The following GALNT1 variants were observed in gnomAD, a reference collection of about 807,000 sequenced individuals.
GALNT1 encodes the protein GalNAc transferase 1.
A neutral mutation model predicts 65.7 loss-of-function variants in GALNT1; 17 were observed. The observed-to-expected ratio is 0.26, with a 90% CI of 0.18 to 0.39. GALNT1 has a LOEUF of 0.39. GALNT1 is among the 10% of genes least tolerant of loss of function. GALNT1 has a pLI of 1.00. For synonymous variants in GALNT1, 210 were observed against 219.7 expected (o/e 0.96, Z 0.39); for missense variants, 460 against 672.8 (o/e 0.68, Z 3.50).
Position 35,690,413 on chromosome 18 carries a change from ATGAGC to A in GALNT1, c.979-598_979-594del, listed in dbSNP as rs1399886200. Among the ~76,000 whole-genome samples, 3 of 152,312 alleles carry A rather than the reference ATGAGC, an allele frequency of 2.0e-5. No homozygotes were observed. The East Asian group carries it at 5.8e-4, about 29-fold the overall frequency. Reference sequence around the variant, plus strand: ...TTTTGTTTGGTGGTTGTTTTTAACCATGAGCCACATTAATAAATACATTATACATT... The same window carrying A: ...TTTTGTTTGGTGGTTGTTTTTAACCACACATTAATAAATACATTATACATT... On this transcript the variant is annotated intron_variant, in intron 7 of 11. Transcript: ENST00000269195.
intron 1 of GALNT1, among the ~76,000 whole-genome samples, chr18:35,607,412 A>G (rs2046664250): frequency 6.6e-6 from 1 of 151,936 alleles, no homozygotes; most frequent in African/African-American, 2.4e-5. Flanking sequence ...GCCTTACTCT[A>G]TGGTTGTTTC....
At chr18:35,627,193 A>C (rs1480915569) in intron 1 of GALNT1, among the ~76,000 whole-genome samples, 1 of 152,224 alleles carries the variant, frequency 6.6e-6, no homozygotes, top group Non-Finnish European at 1.5e-5. Flanking sequence ...ATTTCCACTG[A>C]GCTTGGCATT....
At chr18:35,671,546 G>A (rs1430676562) in intron 3 of GALNT1, among the ~76,000 whole-genome samples, 1 of 152,146 alleles carries the variant, frequency 6.6e-6, no homozygotes, top group Admixed American at 6.6e-5. Context: ...CTTTTAGGTT[G>A]AACCATATGA....
Position 35,650,410 on chromosome 18 carries a change from G to GTTTT in GALNT1, c.-103-4149_-103-4146dup, listed in dbSNP as rs1348251236. ...TGGCGAAATTAAAATTGCTAATGAA[G>GTTTT]TTTTGGGCACACATTGTCATTGATA... On this transcript the variant is annotated intron_variant, in intron 1 of 11. Coordinates refer to ENST00000269195, the MANE Select transcript of GALNT1 (RefSeq NM_020474.4). Among the ~76,000 whole-genome samples the GTTTT allele has an allele frequency of 5.3e-5, 8 of 152,162 alleles. No homozygotes were observed. In the East Asian group the frequency reaches 1.5e-3, roughly 29 times the overall value.
intron 4 of GALNT1, among the ~76,000 whole-genome samples, chr18:35,678,018 A>G (rs1328584381): frequency 6.6e-6 from 1 of 152,114 alleles, no homozygotes; most frequent in African/African-American, 2.4e-5. Flanking sequence ...AACATAAACT[A>G]TTATGCAGGA....
chr18:35,592,200 C>T (rs1248989166), intron 1 of GALNT1, among the ~76,000 whole-genome samples: 1 of 152,152 alleles, frequency 6.6e-6, no homozygotes, highest in African/African-American at 2.4e-5. Context: ...TACATCCTCA[C>T]TGGGCACATA....
intron 1 of GALNT1, among the ~76,000 whole-genome samples, chr18:35,609,970 A>G (rs563525305): frequency 6.6e-6 from 1 of 152,348 alleles, no homozygotes; most frequent in South Asian, 2.1e-4. Context: ...AGATGAATGG[A>G]ACACAGATCA....
chr18:35,633,494 T>C (rs544079446), intron 1 of GALNT1, among the ~76,000 whole-genome samples: 1 of 127,928 alleles, frequency 7.8e-6, no homozygotes, highest in Non-Finnish European at 1.6e-5. Context: ...AACTGAACAA[T>C]GAGAACACTT....
Position 35,689,182 on chromosome 18 carries a change from C to A in GALNT1, c.870C>A (p.Thr290=). ...GDRTLPVRTP[T]MAGGLFSIDR... is the part of the protein sequence containing the mutation. Reference sequence around the variant, plus strand: ...CATTATTGAATTTCAGGACACCTACCATGGCAGGAGGCCTTTTTTCAATAG... The same window carrying A: ...CATTATTGAATTTCAGGACACCTACAATGGCAGGAGGCCTTTTTTCAATAG... The change falls in exon 7 of 12, where the codon ACC becomes ACA. Residue 290 remains threonine (T), a synonymous_variant. Coordinates refer to ENST00000269195, the MANE Select transcript of GALNT1 (RefSeq NM_020474.4). 1 of 1,602,496 alleles carries A rather than the reference C, an allele frequency of 6.2e-7. No homozygotes were observed.
intron 9 of GALNT1, among the ~76,000 whole-genome samples, chr18:35,694,833 G>A (rs768955830): frequency 3.3e-5 from 5 of 152,188 alleles, no homozygotes; most frequent in Admixed American, 1.3e-4. Context: ...ATATTTTTCA[G>A]TCTTAAAAAG....
intron 1 of GALNT1, among the ~76,000 whole-genome samples, chr18:35,600,726 T>G (rs768978689): frequency 2.4e-4 from 36 of 152,166 alleles, no homozygotes; most frequent in Non-Finnish European, 5.0e-4. Context: ...TCTATTAATG[T>G]GATGTGTCAA....
At position 35,654,619 on chromosome 18, in the gene GALNT1, TTATATATATA is replaced by T; in HGVS notation, c.-40_-31del. ...AATAATTTTCATGATCTTTGTATATTTATATATATATATTTTTAAATTTTGCATTTGACTT... is the reference window on the plus strand; with the variant it reads ...AATAATTTTCATGATCTTTGTATATTTATTTTTAAATTTTGCATTTGACTT... On this transcript the variant is annotated 5_prime_UTR_variant, in exon 2 of 12. It removes the in-frame stop codon of an upstream open reading frame in the 5' UTR. Transcript: ENST00000269195. The T allele has an allele frequency of 9.3e-7, 1 of 1,075,408 alleles. No individual in the cohort carries two copies. The highest frequency in any genetic ancestry group is 1.2e-6 in the Non-Finnish European group (1 of 825,178). The allele number at this position is 1,075,408 out of a possible 1,614,324, so 66.6% of individuals were successfully genotyped here.
intron 1 of GALNT1, among the ~76,000 whole-genome samples, chr18:35,628,547 C>G (rs2046953727): frequency 6.6e-6 from 1 of 152,152 alleles, no homozygotes; most frequent in Non-Finnish European, 1.5e-5. Flanking sequence ...AAAGGACAAC[C>G]ACACCAGAAC....
chr18:35,650,152 G>T (rs1319873366), intron 1 of GALNT1, among the ~76,000 whole-genome samples: 1 of 152,132 alleles, frequency 6.6e-6, no homozygotes, highest in African/African-American at 2.4e-5. Flanking sequence ...TCCGGTCTGA[G>T]AAATAAACGG....
intron 9 of GALNT1, among the ~76,000 whole-genome samples, chr18:35,694,227 C>G (rs1358687271): frequency 2.0e-5 from 3 of 152,070 alleles, no homozygotes; most frequent in African/African-American, 7.2e-5. Context: ...ACAAGTCTTG[C>G]AAGGAATTTT....
intron 1 of GALNT1, among the ~76,000 whole-genome samples, chr18:35,644,547 G>A (rs564931442): frequency 2.0e-5 from 3 of 152,244 alleles, no homozygotes; most frequent in South Asian, 2.1e-4. Flanking sequence ...CTTTTATATT[G>A]CTATAAGGTA....
chr18:35,674,982 CAAAAAAAAAAAAAAAAAA>C (rs150477892), intron 3 of GALNT1, among the ~76,000 whole-genome samples: 1 of 30,300 alleles, frequency 3.3e-5, no homozygotes, highest in Non-Finnish European at 6.9e-5. Flanking sequence ...GACTCCGTCT[CAAAAAAAAAAAAAAAAAA>C]AAAAAAAAAA....
intron 3 of GALNT1, 127 bp downstream of exon 3, chr18:35,663,929 C>A (rs2047510511): frequency 2.6e-6 from 2 of 775,554 alleles, no homozygotes; most frequent in Non-Finnish European, 4.2e-6. Flanking sequence ...ACTTACCCCA[C>A]TTAGAAAATA....
intron 5 of GALNT1, among the ~76,000 whole-genome samples, chr18:35,684,633 A>G (rs1167604253): frequency 6.6e-6 from 1 of 152,230 alleles, no homozygotes; most frequent in East Asian, 1.9e-4. Flanking sequence ...TGCATGGTGG[A>G]TTCGATATTC....
Sources: allele counts gnomAD v4.1 joint callset (sites outside exome capture counted in the v4.1 genomes callset), GRCh38; gene constraint gnomAD v4.1.1; transcripts MANE v1.5; gene names NCBI Gene and HGNC (gene_info 2026-07-23, HGNC 2026-07-21).